Variants in TCERG1L observed in about 807,000 individuals in gnomAD.
TCERG1L encodes the protein transcription elongation regulator 1-like protein.
Under a neutral mutation model 56.3 loss-of-function variants are expected in TCERG1L, and 37 were observed. That is an observed-to-expected ratio of 0.66 (90% CI 0.51 to 0.87). The LOEUF (loss-of-function observed/expected upper bound fraction) is 0.87. Among genes scored for constraint, TCERG1L ranks in the 40% least tolerant of loss-of-function variants. The probability of loss-of-function intolerance (pLI) is 0.00; values close to 1 mark genes in which losing one functional copy is unlikely to be tolerated. For synonymous variants in TCERG1L, 324 were observed against 326.3 expected (o/e 0.99, Z 0.08); for missense variants, 799 against 774.2 (o/e 1.03, Z -0.38).
intron 3 of TCERG1L, among the ~76,000 whole-genome samples, chr10:131,295,972 A>G (rs1846685583): frequency 6.6e-6 from 1 of 151,696 alleles, no homozygotes; most frequent in African/African-American, 2.4e-5. Flanking sequence ...TTTTCTTATG[A>G]CTAAGTTTTG....
chr10:131,101,050 G>A (rs375779658), intron 10 of TCERG1L, among the ~76,000 whole-genome samples: 36 of 152,344 alleles, frequency 2.4e-4, no homozygotes, highest in East Asian at 1.2e-3. Flanking sequence ...TCACAGGGAC[G>A]TTTAAAGGTT....
chr10:131,245,955 C>T (rs969844402), intron 4 of TCERG1L, among the ~76,000 whole-genome samples: 7 of 152,000 alleles, frequency 4.6e-5, no homozygotes, highest in African/African-American at 1.2e-4. Flanking sequence ...GGTCCAGGGC[C>T]CTTGCTGAGT....
chr10:131,303,473 GTTT>G (rs1354134986), intron 3 of TCERG1L, among the ~76,000 whole-genome samples: 1 of 151,904 alleles, frequency 6.6e-6, no homozygotes, highest in Non-Finnish European at 1.5e-5. Context: ...TAATGGGGTT[GTTT>G]GTTTATTTCT....
At chr10:131,251,035 G>A (rs753665196) in intron 4 of TCERG1L, among the ~76,000 whole-genome samples, 4 of 152,078 alleles carry the variant, frequency 2.6e-5, no homozygotes, top group Admixed American at 1.3e-4. Context: ...CAAATTCTCC[G>A]GCTTGTCGGA....
chr10:131,143,158 T>C (rs1845756475), intron 7 of TCERG1L, among the ~76,000 whole-genome samples: 1 of 152,162 alleles, frequency 6.6e-6, no homozygotes. Flanking sequence ...TGGTGATAAT[T>C]TGTTACAGCA....
rs1458444341 is a variant in TCERG1L at position 131,201,216 on chromosome 10, GC to G, written c.857-34332del. On this transcript the variant is annotated intron_variant, in intron 4 of 11. Transcript: ENST00000368642. ...CTGGCTTTGCCTCCCTGGAAAGTGAGCCCCCAAAACACATCCCACTAAACTC... is the reference window on the plus strand; with the variant it reads ...CTGGCTTTGCCTCCCTGGAAAGTGAGCCCCAAAACACATCCCACTAAACTC... Among the ~76,000 whole-genome samples, 8 of 152,154 alleles carry G rather than the reference GC, an allele frequency of 5.3e-5. No individual in the cohort carries two copies. In the East Asian group the frequency reaches 1.5e-3, roughly 29 times the overall value.
intron 7 of TCERG1L, among the ~76,000 whole-genome samples, chr10:131,137,691 T>C (rs1173085180): frequency 6.6e-6 from 1 of 152,232 alleles, no homozygotes; most frequent in Admixed American, 6.5e-5. Context: ...ATGTGTATAA[T>C]ATTGGTAATT....
At chr10:131,142,746 T>C (rs1845752239) in intron 7 of TCERG1L, among the ~76,000 whole-genome samples, 1 of 152,150 alleles carries the variant, frequency 6.6e-6, no homozygotes, top group East Asian at 1.9e-4. Flanking sequence ...TAAGCTCCTT[T>C]TTAAATTCCC....
At chr10:131,223,873 C>T (rs1228258151) in intron 4 of TCERG1L, among the ~76,000 whole-genome samples, 1 of 151,272 alleles carries the variant, frequency 6.6e-6, no homozygotes, top group Non-Finnish European at 1.5e-5. Context: ...TGGACATCTT[C>T]AGGACGCAGC....
intron 4 of TCERG1L, among the ~76,000 whole-genome samples, chr10:131,197,017 G>C (rs1273761008): frequency 6.6e-6 from 1 of 152,104 alleles, no homozygotes; most frequent in Non-Finnish European, 1.5e-5. Context: ...CAGAAGGAGA[G>C]GAAGAGGCTG....
chr10:131,207,394 C>T (rs371157535), intron 4 of TCERG1L, among the ~76,000 whole-genome samples: 6 of 152,280 alleles, frequency 3.9e-5, no homozygotes, highest in Admixed American at 6.5e-5. Flanking sequence ...CCTGCAGGGC[C>T]GGCACTGCAG....
At chr10:131,261,303 T>G (rs959615543) in intron 3 of TCERG1L, among the ~76,000 whole-genome samples, 1 of 152,270 alleles carries the variant, frequency 6.6e-6, no homozygotes, top group African/African-American at 2.4e-5. Context: ...TGGTGGAAAC[T>G]TAGTCTGGCC....
intron 6 of TCERG1L, among the ~76,000 whole-genome samples, chr10:131,154,067 A>G (rs1317585172): frequency 6.6e-6 from 1 of 152,178 alleles, no homozygotes; most frequent in Non-Finnish European, 1.5e-5. Context: ...TTTTATGCCC[A>G]TTCTAAGTAA....
intron 4 of TCERG1L, among the ~76,000 whole-genome samples, chr10:131,186,294 G>A (rs1845245073): frequency 1.3e-5 from 2 of 152,196 alleles, no homozygotes; most frequent in South Asian, 2.1e-4. Context: ...GGTGGTGGTT[G>A]AGCAACATGG....
chr10:131,146,755 C>T (rs942324605), intron 6 of TCERG1L, 95 bp from the exon 7 acceptor site: 8 of 1,393,286 alleles, frequency 5.7e-6, no homozygotes, highest in South Asian at 1.5e-5. Context: ...CCCTCAGGAC[C>T]GAAATCCACA....
Position 131,203,189 on chromosome 10 carries a change from GTCTTCAGCCCTCCGAGCTGCGCTC to G in TCERG1L, c.857-36328_857-36305del, listed in dbSNP as rs1485486435. Among the ~76,000 whole-genome samples the G allele has an allele frequency of 2.0e-5, 3 of 152,048 alleles. No homozygotes were observed. In the East Asian group the frequency reaches 5.8e-4, roughly 29 times the overall value. On this transcript the variant is annotated intron_variant, in intron 4 of 11. Coordinates refer to ENST00000368642, the MANE Select transcript of TCERG1L (RefSeq NM_174937.4). ...AGTGTTCATGGATATGCGTATACCT[GTCTTCAGCCCTCCGAGCTGCGCTC>G]TCTGGGTTACAGAGCACAGCTGGGT...
intron 6 of TCERG1L, among the ~76,000 whole-genome samples, chr10:131,159,923 C>G (rs1215594844): frequency 1.3e-5 from 2 of 152,154 alleles, no homozygotes; most frequent in East Asian, 1.9e-4. Context: ...GCAAACCCAC[C>G]CTCTGAGGTC....
At chr10:131,122,330 A>C (rs967351526) in intron 8 of TCERG1L, among the ~76,000 whole-genome samples, 1 of 152,168 alleles carries the variant, frequency 6.6e-6, no homozygotes, top group Non-Finnish European at 1.5e-5. Context: ...GCGTGTCAGG[A>C]AACACCAGCC....
At chr10:131,237,065 A>G (rs11017832) in intron 4 of TCERG1L, among the ~76,000 whole-genome samples, 63,067 of 151,202 alleles carry the variant, frequency 0.42, 13,608 homozygotes, top group East Asian at 0.53. Context: ...TCTGCCCTCC[A>G]CCTCACCCCA....
Sources: allele counts gnomAD v4.1 joint callset (sites outside exome capture counted in the v4.1 genomes callset), GRCh38; gene constraint gnomAD v4.1.1; transcripts MANE v1.5; gene names NCBI Gene and HGNC (gene_info 2026-07-23, HGNC 2026-07-21).